SPEF2: variants seen among roughly 807,000 people sequenced by gnomAD.
SPEF2 encodes sperm flagellar and cilia associated 2, also known as sperm flagella and cilia-associated protein 2.
Under a neutral mutation model 224.6 loss-of-function variants are expected in SPEF2, and 187 were observed. The ratio of observed to expected loss-of-function variants is 0.83; its 90% confidence interval spans 0.74 to 0.94. SPEF2 has a LOEUF of 0.94. Among genes scored for constraint, SPEF2 ranks in the 40% least tolerant of loss-of-function variants. The pLI is 0.00. For synonymous variants in SPEF2, 715 were observed against 707.3 expected, an observed-to-expected ratio of 1.01 and a Z score of -0.17; for missense variants, 2,170 against 2,135.6, an observed-to-expected ratio of 1.02 and a Z score of -0.32.
intron 5 of SPEF2, among the ~76,000 whole-genome samples, chr5:35,648,101 A>C (rs1359512410): frequency 6.6e-6 from 1 of 152,166 alleles, no homozygotes; most frequent in African/African-American, 2.4e-5. Flanking sequence ...TAACTCTCTA[A>C]GTAGGGTATT....
intron 21 of SPEF2, among the ~76,000 whole-genome samples, chr5:35,729,083 T>G (rs1433527300): frequency 1.3e-5 from 2 of 152,172 alleles, no homozygotes; most frequent in African/African-American, 4.8e-5. Flanking sequence ...AACAGGACTT[T>G]TTTTAAAACA....
chr5:35,666,973 G>T (rs1391159774), intron 8 of SPEF2, 99 bp from the exon 9 acceptor site: 2 of 1,126,254 alleles, frequency 1.8e-6, no homozygotes, highest in Non-Finnish European at 2.5e-6. Flanking sequence ...GTGAGAAGAG[G>T]TTTCATTCTA....
intron 2 of SPEF2, among the ~76,000 whole-genome samples, chr5:35,630,792 T>C (rs1221082302): frequency 1.3e-5 from 2 of 152,188 alleles, no homozygotes; most frequent in Non-Finnish European, 2.9e-5. Context: ...AGGCGTAAAA[T>C]GCCACCAGTC....
intron 8 of SPEF2, 64 bp downstream of exon 8, chr5:35,659,271 G>T (rs78187528): frequency 2.6e-5 from 38 of 1,454,390 alleles, no homozygotes; most frequent in Non-Finnish European, 3.2e-5. Context: ...CCAAGTCGTG[G>T]TAAACAAAGC....
chr5:35,796,920 A>T (rs1029234892), intron 33 of SPEF2, among the ~76,000 whole-genome samples: 3 of 152,104 alleles, frequency 2.0e-5, no homozygotes, highest in African/African-American at 7.2e-5. Flanking sequence ...CAGGGGCAGT[A>T]TTTTGTGTGT....
intron 23 of SPEF2, among the ~76,000 whole-genome samples, chr5:35,749,574 A>G (rs1400486068): frequency 6.6e-6 from 1 of 152,108 alleles, no homozygotes; most frequent in Non-Finnish European, 1.5e-5. Flanking sequence ...CAAGCAGAGA[A>G]TCAAATCAAG....
At chr5:35,731,644 G>A (rs192493894) in intron 21 of SPEF2, among the ~76,000 whole-genome samples, 1 of 152,324 alleles carries the variant, frequency 6.6e-6, no homozygotes, top group Non-Finnish European at 1.5e-5. Context: ...AGATGAATCT[G>A]TTGCTTGTGT....
chr5:35,806,574 C>A, intron 34 of SPEF2, 133 bp from the exon 35 acceptor site: 3 of 1,119,784 alleles, frequency 2.7e-6, no homozygotes, highest in Non-Finnish European at 3.8e-6. Context: ...CTCCTCTAGA[C>A]TGGTTAGCTA....
At chr5:35,761,417 A>T (rs945201619) in intron 25 of SPEF2, among the ~76,000 whole-genome samples, 1 of 152,166 alleles carries the variant, frequency 6.6e-6, no homozygotes, top group Non-Finnish European at 1.5e-5. Flanking sequence ...ATAAATGTAG[A>T]TTATTACCTA....
At chr5:35,693,651 A>G (rs1182779801) in intron 12 of SPEF2, among the ~76,000 whole-genome samples, 2 of 152,138 alleles carry the variant, frequency 1.3e-5, no homozygotes, top group African/African-American at 4.8e-5. Flanking sequence ...AGGCTTGTCA[A>G]TAGCTTCTCT....
rs191958855 is a variant in SPEF2 at position 35,747,735 on chromosome 5, T to C, written c.3331-5889T>C. Among the ~76,000 whole-genome samples, 436 of 152,106 alleles carry C rather than the reference T, an allele frequency of 2.9e-3. 2 individuals are homozygous for C. The highest frequency in any genetic ancestry group is 0.023 in the South Asian group (109 of 4,802). On this transcript the variant is annotated intron_variant, in intron 23 of 36. Coordinates refer to ENST00000356031, the MANE Select transcript of SPEF2 (RefSeq NM_024867.4). ...GAGATACACAGCAACACAATAATAG[T>C]GGGGGACAACAATATTCTACTGACA...
intron 34 of SPEF2, 74 bp downstream of exon 34, chr5:35,800,221 G>A: frequency 6.7e-7 from 1 of 1,492,676 alleles, no homozygotes; most frequent in Non-Finnish European, 9.1e-7. Context: ...TGACAACAAG[G>A]ACTCTATTAT....
At chr5:35,665,487 T>G (rs1750345010) in intron 8 of SPEF2, among the ~76,000 whole-genome samples, 1 of 151,812 alleles carries the variant, frequency 6.6e-6, no homozygotes, top group Non-Finnish European at 1.5e-5. Flanking sequence ...GAGAGGGAGA[T>G]GCGGAGACAG....
At position 35,691,115 on chromosome 5, in the gene SPEF2, A is replaced by C. The variant is rs747257059; in HGVS notation, c.1603A>C (p.Ile535Leu). The C allele has an allele frequency of 6.2e-7, 1 of 1,614,126 alleles. No individual in the cohort carries two copies. The highest frequency in any genetic ancestry group is 8.5e-7 in the Non-Finnish European group (1 of 1,179,986). ...PPSNNCILGH[I>L]LHRLAEKSLP... ...CTCCAACAATTGCATACTGGGCCAT[A>C]TTCTTCACAGGCTAGCTGAAAAATC... Residue 535 changes from isoleucine to leucine, a missense_variant, in exon 11 of 37, where the codon ATT (isoleucine) becomes CTT (leucine). Physicochemically the swap from Ile to Leu is conservative, Grantham distance 5. Coordinates refer to ENST00000356031, the MANE Select transcript of SPEF2 (RefSeq NM_024867.4).
At chr5:35,801,344 C>T (rs1757395538) in intron 34 of SPEF2, among the ~76,000 whole-genome samples, 1 of 152,092 alleles carries the variant, frequency 6.6e-6, no homozygotes, top group South Asian at 2.1e-4. Context: ...GGTGAAACCC[C>T]ATCTCTACTG....
At chr5:35,636,293 A>G (rs1465802156) in intron 2 of SPEF2, among the ~76,000 whole-genome samples, 1 of 152,178 alleles carries the variant, frequency 6.6e-6, no homozygotes, top group African/African-American at 2.4e-5. Context: ...TGAGTGGATT[A>G]TGGGATGTTT....
At chr5:35,701,360 A>ATTG (rs1240255813) in intron 16 of SPEF2, among the ~76,000 whole-genome samples, 4 of 152,148 alleles carry the variant, frequency 2.6e-5, no homozygotes, top group Non-Finnish European at 5.9e-5. Context: ...AAGTTACCTT[A>ATTG]TTGTTCTAAG....
Position 35,793,257 on chromosome 5 carries a change from G to C in SPEF2, c.4653G>C (p.Glu1551Asp), listed in dbSNP as rs186232935. The C allele has an allele frequency of 6.9e-4, 1,118 of 1,614,190 alleles. 2 individuals carry two copies. Among genetic ancestry groups the C allele is most frequent in the Non-Finnish European group, 8.9e-4 (1,055 of 1,180,022 alleles). ...VTSMPWPIPL[E>D]EELLETLQKF... ...CAATGCCTTGGCCCATTCCCTTGGA[G>C]GAGGAGCTCCTTGAGACCCTTCAGA... Residue 1551 changes from glutamate to aspartate, a missense_variant, in exon 32 of 37, where the codon GAG becomes GAC. Physicochemically the swap from Glu to Asp is conservative, Grantham distance 45 (BLOSUM62 2). Transcript: ENST00000356031.
At chr5:35,771,530 T>C (rs1752855815) in intron 26 of SPEF2, 79 bp from the exon 27 acceptor site, 1 of 1,520,376 alleles carries the variant, frequency 6.6e-7, no homozygotes, top group Non-Finnish European at 8.8e-7. Context: ...TTCAACAGAA[T>C]TTAGTAATGA....
Sources: gnomAD v4.1 joint callset for allele counts (sites outside exome capture counted in the v4.1 genomes callset) on GRCh38, gnomAD v4.1.1 for gene constraint, MANE v1.5 for transcripts, NCBI Gene and HGNC (gene_info 2026-07-23, HGNC 2026-07-21) for gene names.